Variants in AFG2A observed in about 807,000 individuals in gnomAD.
AFG2A encodes AAA ATPase AFG2A, also known as ATPase family gene 2 protein homolog A.
At chr4:123,126,512 C>T in the AFG2A span, among the ~76,000 whole-genome samples, 3 of 152,156 alleles carry the variant, frequency 2.0e-5, no homozygotes, top group Non-Finnish European at 2.9e-5. Context: ...ACCAAAATCT[C>T]ATCTCAAATT....
the AFG2A span, among the ~76,000 whole-genome samples, chr4:123,247,437 T>C: frequency 6.6e-6 from 1 of 152,140 alleles, no homozygotes; most frequent in Non-Finnish European, 1.5e-5. Flanking sequence ...ATTGATCTTT[T>C]GTTTTGAGAC....
At chr4:123,003,862 T>G in the AFG2A span, among the ~76,000 whole-genome samples, 1 of 152,186 alleles carries the variant, frequency 6.6e-6, no homozygotes, top group Non-Finnish European at 1.5e-5. Context: ...CATTTAAGTC[T>G]GCAGAGGTTA....
the AFG2A span, among the ~76,000 whole-genome samples, chr4:123,132,890 C>T: frequency 7.9e-5 from 12 of 151,424 alleles, no homozygotes; most frequent in Admixed American, 7.9e-4. Context: ...ACGCCATTCT[C>T]CTGCCTCAGC....
the AFG2A span, among the ~76,000 whole-genome samples, chr4:123,168,035 A>G: frequency 0.035 from 5,391 of 152,292 alleles, 332 homozygotes; most frequent in African/African-American, 0.12. Flanking sequence ...AAACTCCAGT[A>G]TCACTATTTG....
the AFG2A span, among the ~76,000 whole-genome samples, chr4:122,980,161 T>A: frequency 6.6e-6 from 1 of 152,202 alleles, no homozygotes; most frequent in East Asian, 1.9e-4. Context: ...AAATTTTTAT[T>A]TCAGAACCTT....
At chr4:123,169,469 C>T in the AFG2A span, among the ~76,000 whole-genome samples, 58 of 152,216 alleles carry the variant, frequency 3.8e-4, no homozygotes, top group East Asian at 0.01. Context: ...GCGCATTGTT[C>T]TGTCTGATTA....
the AFG2A span, among the ~76,000 whole-genome samples, chr4:123,137,107 G>A: frequency 7.6e-4 from 115 of 152,262 alleles, 1 homozygote; most frequent in African/African-American, 2.7e-3. Context: ...CTATGAGTGC[G>A]CATCTAACGG....
At chr4:122,953,216 T>C in the AFG2A span, among the ~76,000 whole-genome samples, 1 of 152,164 alleles carries the variant, frequency 6.6e-6, no homozygotes, top group East Asian at 1.9e-4. Flanking sequence ...CCAGCAGTTG[T>C]TTGGAGGGTC....
the AFG2A span, among the ~76,000 whole-genome samples, chr4:123,237,784 G>A: frequency 6.6e-5 from 10 of 151,290 alleles, no homozygotes; most frequent in South Asian, 2.1e-4. Flanking sequence ...TGATTTCTGC[G>A]TTTCCAACTG....
chr4:123,095,030 C>A, the AFG2A span, among the ~76,000 whole-genome samples: 31 of 35,320 alleles, frequency 8.8e-4, no homozygotes, highest in South Asian at 2.4e-3. Flanking sequence ...TCCCTCCCCA[C>A]AAAAAAAAAA....
chr4:123,028,701 T>A, the AFG2A span, among the ~76,000 whole-genome samples: 1 of 152,200 alleles, frequency 6.6e-6, no homozygotes, highest in East Asian at 1.9e-4. Flanking sequence ...CATTTTTAAT[T>A]ATAGACTTTT....
the AFG2A span, among the ~76,000 whole-genome samples, chr4:123,198,955 A>G: frequency 6.6e-6 from 1 of 152,196 alleles, no homozygotes; most frequent in Non-Finnish European, 1.5e-5. Context: ...AGGCCAACAT[A>G]AAATTAATAC....
the AFG2A span, among the ~76,000 whole-genome samples, chr4:122,926,346 A>G: frequency 6.6e-6 from 1 of 152,246 alleles, no homozygotes; most frequent in Non-Finnish European, 1.5e-5. Flanking sequence ...TAACAGCAGT[A>G]TGCTTTACTG....
chr4:123,057,396 A>C, the AFG2A span: 1 of 1,224,424 alleles, frequency 8.2e-7, no homozygotes, highest in Non-Finnish European at 1.1e-6. Context: ...CTATTAATAC[A>C]TTTGGCCTAA....
the AFG2A span, among the ~76,000 whole-genome samples, chr4:122,994,512 C>T: frequency 6.6e-6 from 1 of 152,042 alleles, no homozygotes; most frequent in Admixed American, 6.5e-5. Context: ...TCTAAACCTG[C>T]CTCTCCTCAC....
At chr4:123,145,747 C>T in the AFG2A span, among the ~76,000 whole-genome samples, 1 of 152,036 alleles carries the variant, frequency 6.6e-6, no homozygotes, top group Non-Finnish European at 1.5e-5. Context: ...GGAAACTGAT[C>T]CCCAATGAGG....
chr4:123,197,979 A>C, the AFG2A span, among the ~76,000 whole-genome samples: 1 of 151,618 alleles, frequency 6.6e-6, no homozygotes, highest in Non-Finnish European at 1.5e-5. Flanking sequence ...TTAAGAGCAT[A>C]AGAGAAACGA....
chr4:123,272,306 C>T, the AFG2A span, among the ~76,000 whole-genome samples: 4 of 152,016 alleles, frequency 2.6e-5, no homozygotes, highest in Non-Finnish European at 2.9e-5. Context: ...ACTAAATGTA[C>T]ACAAAAGTCC....
At chr4:123,064,861 C>T in the AFG2A span, among the ~76,000 whole-genome samples, 4 of 152,118 alleles carry the variant, frequency 2.6e-5, no homozygotes, top group African/African-American at 9.7e-5. Context: ...ATCTTTTTTA[C>T]TTAACTTCCA....
Sources: gnomAD v4.1 joint callset for allele counts (sites outside exome capture counted in the v4.1 genomes callset) on GRCh38, gnomAD v4.1.1 for gene constraint, MANE v1.5 for transcripts, NCBI Gene and HGNC (gene_info 2026-07-23, HGNC 2026-07-21) for gene names.